Variants in PRDM16 observed in about 807,000 individuals in gnomAD.
PRDM16 encodes histone-lysine N-methyltransferase PRDM16.
A neutral mutation model predicts 110.6 loss-of-function variants in PRDM16; 23 were observed. The ratio of observed to expected loss-of-function variants is 0.21; its 90% CI spans 0.15 to 0.29. The LOEUF is 0.29. Among genes scored for constraint, PRDM16 ranks in the 10% least tolerant of loss-of-function variants. The pLI, the probability that PRDM16 is intolerant of heterozygous loss-of-function variation, is 1.00. For synonymous variants in PRDM16, 799 were observed against 781.8 expected, an observed-to-expected ratio of 1.02 and a Z score of -0.37; for missense variants, 1,615 against 1,794.3, an observed-to-expected ratio of 0.90 and a Z score of 1.81.
At chr1:3,287,695 A>G (rs74801487) in intron 3 of PRDM16, among the ~76,000 whole-genome samples, 72 of 78,174 alleles carry the variant, frequency 9.2e-4, no homozygotes, top group African/African-American at 1.7e-3. Context: ...CGGGGCTGGA[A>G]CCGCCCCGCC....
At chr1:3,193,471 G>C (rs559640049) in intron 2 of PRDM16, among the ~76,000 whole-genome samples, 5 of 152,226 alleles carry the variant, frequency 3.3e-5, no homozygotes, top group Admixed American at 1.3e-4. Flanking sequence ...AGCAGAACTT[G>C]TGTGTCCAGC....
intron 1 of PRDM16, among the ~76,000 whole-genome samples, chr1:3,146,240 A>G (rs1237264883): frequency 6.6e-6 from 1 of 152,162 alleles, no homozygotes; most frequent in Admixed American, 6.5e-5. Flanking sequence ...CCCGCTAACC[A>G]ATGAACGTTC....
chr1:3,230,385 G>C (rs564341888), intron 2 of PRDM16, among the ~76,000 whole-genome samples: 3 of 152,330 alleles, frequency 2.0e-5, no homozygotes, highest in Admixed American at 1.3e-4. Context: ...CAGTCATCCA[G>C]ACAAGAAGCT....
intron 1 of PRDM16, among the ~76,000 whole-genome samples, chr1:3,184,971 G>T (rs570114425): frequency 6.6e-5 from 10 of 152,156 alleles, no homozygotes; most frequent in Non-Finnish European, 1.3e-4. Context: ...GGTCCAGGCC[G>T]CCTTCCTCCT....
chr1:3,219,170 G>A (rs896479146), intron 2 of PRDM16, among the ~76,000 whole-genome samples: 6 of 152,230 alleles, frequency 3.9e-5, no homozygotes, highest in African/African-American at 9.7e-5. Flanking sequence ...ACCGAAAACC[G>A]CATGCCGACA....
chr1:3,418,015 G>A lies in PRDM16; in HGVS notation c.2861+18G>A. ...ACGTGCAGGTGAGGGGCCCTTTGGT[G>A]CTGCTGGGACAGCCCTGGCGGGGCT... On this transcript the variant is annotated intron_variant, in intron 11 of 16. Coordinates refer to ENST00000270722, the MANE Select transcript of PRDM16 (RefSeq NM_022114.4). 2 of 1,605,160 alleles carry A rather than the reference G, an allele frequency of 1.2e-6. No homozygotes were observed. Among genetic ancestry groups the A allele is most frequent in the Non-Finnish European group, 1.7e-6 (2 of 1,175,496 alleles).
At chr1:3,149,251 T>A (rs1643733655) in intron 1 of PRDM16, among the ~76,000 whole-genome samples, 1 of 152,036 alleles carries the variant, frequency 6.6e-6, no homozygotes, top group Non-Finnish European at 1.5e-5. Flanking sequence ...CGGGTGAGAA[T>A]GAAAGCCCCA....
intron 3 of PRDM16, among the ~76,000 whole-genome samples, chr1:3,354,846 C>T (rs926804533): frequency 6.6e-6 from 1 of 152,268 alleles, no homozygotes; most frequent in South Asian, 2.1e-4. Flanking sequence ...GGTCTCCTCT[C>T]TCCCAGAGGA....
chr1:3,435,751 G>A lies in PRDM16; in HGVS notation c.*1940G>A, dbSNP rs1257360379. 4.3e-5 allele frequency: 10 copies of A among 232,450 alleles called. No individual in the cohort carries two copies. The highest frequency in any genetic ancestry group is 7.7e-5 in the Non-Finnish European group (9 of 117,644). The allele number at this position is 232,450 out of a possible 1,614,324, so 14.4% of individuals were successfully genotyped here. On this transcript the variant is annotated 3_prime_UTR_variant, in exon 17 of 17. Transcript: ENST00000270722. ...ACGGGAGGTGTCCTGGCTGCTCCAGGACAAAAGACAATCGTCTCTGTGGGT... is the reference window on the plus strand; with the variant it reads ...ACGGGAGGTGTCCTGGCTGCTCCAGAACAAAAGACAATCGTCTCTGTGGGT...
intron 1 of PRDM16, among the ~76,000 whole-genome samples, chr1:3,178,266 A>C (rs1165044159): frequency 6.6e-6 from 1 of 151,978 alleles, no homozygotes; most frequent in Non-Finnish European, 1.5e-5. Context: ...TTTGGAGGCC[A>C]CATCTACACA....
In PRDM16 at chr1:3,319,511, A is replaced by G. The variant is rs145013602; in HGVS notation, c.439-65641A>G. 5.7e-3 allele frequency among the ~76,000 whole-genome samples: 871 copies of G among 152,302 alleles called. 10 individuals are homozygous for G. Among genetic ancestry groups the G allele is most frequent in the African/African-American group, 0.019 (810 of 41,574 alleles). On this transcript the variant is annotated intron_variant, in intron 3 of 16. Transcript: ENST00000270722. ...GAGAGAAGCCTGAGGCCATCAGACC[A>G]GGCTGGGGGCCAGGGGATTGAGAGG...
intron 1 of PRDM16, among the ~76,000 whole-genome samples, chr1:3,102,692 G>A (rs1642560535): frequency 6.6e-6 from 1 of 152,184 alleles, no homozygotes; most frequent in Non-Finnish European, 1.5e-5. Flanking sequence ...TCCTCTGAAG[G>A]ACCAAAACCA....
At chr1:3,371,046 A>G (rs1031633491) in intron 3 of PRDM16, among the ~76,000 whole-genome samples, 1 of 150,778 alleles carries the variant, frequency 6.6e-6, no homozygotes. Flanking sequence ...TAATTTATTC[A>G]TCCATCCACC....
intron 14 of PRDM16, among the ~76,000 whole-genome samples, chr1:3,426,754 G>A (rs1182344621): frequency 6.6e-6 from 1 of 152,164 alleles, no homozygotes; most frequent in Non-Finnish European, 1.5e-5. Flanking sequence ...TGCCATTGAT[G>A]AATCCTCACT....
In PRDM16 at chr1:3,190,742, G is replaced by A. The variant is rs1388088047; in HGVS notation, c.387+4268G>A. ...GGTCGCCGCCGAAGCCCACCTGCCT[G>A]GAGGAAATCACCCGTGAGCGCATTT... On this transcript the variant is annotated intron_variant, in intron 2 of 16. Coordinates refer to ENST00000270722, the MANE Select transcript of PRDM16 (RefSeq NM_022114.4). This position sits in a 1 kb window ranked among gnomAD's most constrained non-coding sequence, Gnocchi z 5.0. Among the ~76,000 whole-genome samples the A allele has an allele frequency of 1.3e-5, 2 of 152,210 alleles. No individual in the cohort carries two copies. The highest frequency in any genetic ancestry group is 3.8e-4 in the East Asian group (2 of 5,198).
intron 1 of PRDM16, among the ~76,000 whole-genome samples, chr1:3,097,412 A>G (rs1642429725): frequency 6.6e-6 from 1 of 152,222 alleles, no homozygotes; most frequent in African/African-American, 2.4e-5. Flanking sequence ...GTGCATAACA[A>G]CAGTGGCCAG....
At chr1:3,399,886 TC>T (rs1428297679) in intron 5 of PRDM16, among the ~76,000 whole-genome samples, 2 of 152,308 alleles carry the variant, frequency 1.3e-5, no homozygotes, top group Non-Finnish European at 2.9e-5. Flanking sequence ...GGAGGCCCCA[TC>T]TCAGCCTCCT....
At chr1:3,120,791 G>A (rs1179468073) in intron 1 of PRDM16, among the ~76,000 whole-genome samples, 1 of 152,200 alleles carries the variant, frequency 6.6e-6, no homozygotes, top group African/African-American at 2.4e-5. Flanking sequence ...GGATGGCAGG[G>A]CCGAGCCCTG....
chr1:3,372,891 G>A (rs931682230), intron 3 of PRDM16, among the ~76,000 whole-genome samples: 2 of 152,232 alleles, frequency 1.3e-5, no homozygotes, highest in East Asian at 1.9e-4. Context: ...CTGGTGTGGG[G>A]CCTGCTATGG....
Sources: gnomAD v4.1 joint callset for allele counts (sites outside exome capture counted in the v4.1 genomes callset) on GRCh38, gnomAD v4.1.1 for gene constraint, Gnocchi (gnomAD v3.1) non-coding constraint, MANE v1.5 for transcripts, NCBI Gene and HGNC (gene_info 2026-07-23, HGNC 2026-07-21) for gene names.